The following DAB1 variants were observed in gnomAD, a reference collection of about 807,000 sequenced individuals.
DAB1 encodes disabled homolog 1.
A neutral mutation model predicts 64.6 loss-of-function variants in DAB1; 15 were observed. The ratio of observed to expected loss-of-function variants is 0.23; its 90% CI spans 0.16 to 0.36. DAB1 has a LOEUF of 0.36. DAB1 is among the 10% of genes least tolerant of loss of function. DAB1 has a pLI of 1.00. For synonymous variants in DAB1, 235 were observed against 251.9 expected (o/e 0.93, Z 0.64); for missense variants, 596 against 706.7 (o/e 0.84, Z 1.78).
At chr1:58,196,203 A>G (rs1657668595) in intron 4 of DAB1, among the ~76,000 whole-genome samples, 1 of 152,230 alleles carries the variant, frequency 6.6e-6, no homozygotes, top group Non-Finnish European at 1.5e-5. Flanking sequence ...CATAGGAAGT[A>G]GCATGTGCAA....
chr1:57,902,770 T>C (rs1644494886), intron 5 of DAB1, among the ~76,000 whole-genome samples: 1 of 152,192 alleles, frequency 6.6e-6, no homozygotes, highest in African/African-American at 2.4e-5. Flanking sequence ...TTTCCCTGTG[T>C]AATCCATCAG....
intron 3 of DAB1, among the ~76,000 whole-genome samples, chr1:58,362,130 T>C (rs1325277487): frequency 6.6e-6 from 1 of 152,106 alleles, no homozygotes; most frequent in African/African-American, 2.4e-5. Flanking sequence ...GAATGTTAAA[T>C]CAGTACATAC....
intron 6 of DAB1, among the ~76,000 whole-genome samples, chr1:57,763,734 A>G (rs1264250479): frequency 6.6e-6 from 1 of 152,156 alleles, no homozygotes; most frequent in Non-Finnish European, 1.5e-5. Context: ...TCTCCTGATC[A>G]CAGGGTTAAA....
rs534341950 is a variant in DAB1, at chr1:57,194,289, G to A, written c.68-48860C>T. Among the ~76,000 whole-genome samples the A allele has an allele frequency of 2.6e-5, 4 of 152,168 alleles. No individual in the cohort carries two copies. The South Asian group carries it at 6.2e-4, about 24-fold the overall frequency. ...GGAAATGCTTCTCAGAGCTGGCCAC[G>A]CACCTGAGTTTGGGACAAGTCTGTC... On this transcript the variant is annotated intron_variant, in intron 2 of 14. Transcript: ENST00000371236.
intron 5 of DAB1, among the ~76,000 whole-genome samples, chr1:58,014,281 A>T (rs1646709448): frequency 6.6e-6 from 1 of 152,254 alleles, no homozygotes; most frequent in Non-Finnish European, 1.5e-5. Flanking sequence ...CTTGAGGGTT[A>T]TAATAAGGTT....
At chr1:57,549,283 T>A (rs994760216) in intron 7 of DAB1, among the ~76,000 whole-genome samples, 4 of 152,190 alleles carry the variant, frequency 2.6e-5, no homozygotes, top group Admixed American at 2.6e-4. Flanking sequence ...ATGGTATTAG[T>A]TTTGCATCTT....
intron 5 of DAB1, among the ~76,000 whole-genome samples, chr1:58,073,289 C>T (rs150490556): frequency 2.1e-4 from 32 of 152,308 alleles, no homozygotes; most frequent in Non-Finnish European, 4.0e-4. Context: ...CCTCTTTCCA[C>T]CTTCCCAACT....
At chr1:57,350,323 A>T (rs1199145940) in intron 1 of DAB1, among the ~76,000 whole-genome samples, 1 of 152,162 alleles carries the variant, frequency 6.6e-6, no homozygotes, top group Non-Finnish European at 1.5e-5. Context: ...TAGGATTTGA[A>T]CACATACCTG....
At chr1:57,070,248 T>A (rs1382037594) in intron 7 of DAB1, among the ~76,000 whole-genome samples, 1 of 152,222 alleles carries the variant, frequency 6.6e-6, no homozygotes, top group East Asian at 1.9e-4. Flanking sequence ...AAAGAACACC[T>A]ATGCATCCAG....
At chr1:58,349,151 T>C (rs1453077538) in intron 3 of DAB1, among the ~76,000 whole-genome samples, 2 of 152,204 alleles carry the variant, frequency 1.3e-5, no homozygotes, top group African/African-American at 2.4e-5. Context: ...ACCTTCTTCT[T>C]GGCTTGGGCT....
intron 2 of DAB1, among the ~76,000 whole-genome samples, chr1:57,189,168 TC>T (rs1161768406): frequency 6.6e-6 from 1 of 152,192 alleles, no homozygotes; most frequent in Non-Finnish European, 1.5e-5. Context: ...AATCTGATTT[TC>T]CACCATAATA....
chr1:57,120,005 C>A (rs1466996797), intron 4 of DAB1, among the ~76,000 whole-genome samples: 1 of 152,088 alleles, frequency 6.6e-6, no homozygotes, highest in Admixed American at 6.6e-5. Flanking sequence ...CTCCTAAAAT[C>A]ATTTTTATTG....
At chr1:58,130,649 C>G (rs12026897) in intron 5 of DAB1, among the ~76,000 whole-genome samples, 2 of 151,806 alleles carry the variant, frequency 1.3e-5, no homozygotes, top group Non-Finnish European at 2.9e-5. Flanking sequence ...GTAAGGCAGG[C>G]CTGGTGGTGA....
At chr1:58,404,846 A>C (rs1002134802) in intron 3 of DAB1, among the ~76,000 whole-genome samples, 4 of 152,118 alleles carry the variant, frequency 2.6e-5, no homozygotes, top group African/African-American at 7.2e-5. Context: ...AGGGAGGAGG[A>C]GTCCATCCAC....
At position 57,105,810 on chromosome 1, in the gene DAB1, G is replaced by A. The variant is rs1042096153; in HGVS notation, c.306+30733C>T. On this transcript the variant is annotated intron_variant, in intron 4 of 14. Transcript: ENST00000371236. ...TTTCCTTTTCCTTTTTTATTTTCAT[G>A]TTCTAATTTTATGAATGATGTGGTT... Among the ~76,000 whole-genome samples, 8 of 151,936 alleles carry A rather than the reference G, an allele frequency of 5.3e-5. No individual in the cohort carries two copies. In the South Asian group the frequency reaches 1.0e-3, roughly 20 times the overall value.
chr1:57,670,342 A>C (rs1353474400), intron 6 of DAB1, among the ~76,000 whole-genome samples: 1 of 152,122 alleles, frequency 6.6e-6, no homozygotes, highest in Non-Finnish European at 1.5e-5. Context: ...TAAGGCACAG[A>C]AGCCCCAATC....
At chr1:57,501,651 T>C (rs908573560) in intron 7 of DAB1, among the ~76,000 whole-genome samples, 2 of 152,226 alleles carry the variant, frequency 1.3e-5, no homozygotes, top group Non-Finnish European at 2.9e-5. Context: ...GACATGAGAA[T>C]GTGCTTTTGT....
At chr1:57,636,710 T>G (rs1044417891) in intron 7 of DAB1, among the ~76,000 whole-genome samples, 2 of 152,156 alleles carry the variant, frequency 1.3e-5, no homozygotes, top group African/African-American at 2.4e-5. Flanking sequence ...ACTGAGCACC[T>G]GGAATACCAG....
chr1:57,209,563 T>G (rs1665848174), intron 2 of DAB1, among the ~76,000 whole-genome samples: 1 of 152,222 alleles, frequency 6.6e-6, no homozygotes, highest in African/African-American at 2.4e-5. Flanking sequence ...ACCTTTGTTT[T>G]TCAAGGTAAG....
Sources: gnomAD v4.1 joint callset for allele counts (sites outside exome capture counted in the v4.1 genomes callset) on GRCh38, gnomAD v4.1.1 for gene constraint, MANE v1.5 for transcripts, NCBI Gene and HGNC (gene_info 2026-07-23, HGNC 2026-07-21) for gene names.